Variants in PID1 observed in about 807,000 individuals in gnomAD.
PID1 encodes the protein PTB-containing, cubilin and LRP1-interacting protein.
In PID1, 10 loss-of-function variants were observed where a neutral mutation model predicts 19.1. The observed-to-expected ratio is 0.52, with a 90% CI of 0.32 to 0.89. PID1 has a LOEUF of 0.89. PID1 is among the 40% of genes least tolerant of loss of function. The pLI is 0.03. For missense variants in PID1, 248 were observed against 285.3 expected (o/e 0.87, Z 0.94); for synonymous variants, 130 against 116.0 (o/e 1.12, Z -0.78).
At chr2:229,192,240 ATC>A (rs1691276319) in intron 1 of PID1, among the ~76,000 whole-genome samples, 1 of 152,116 alleles carries the variant, frequency 6.6e-6, no homozygotes, top group Non-Finnish European at 1.5e-5. Context: ...CTCTGCCAAG[ATC>A]TGTTTCTTTA....
chr2:229,252,832 T>G (rs1574760253), intron 1 of PID1, among the ~76,000 whole-genome samples: 1 of 152,198 alleles, frequency 6.6e-6, no homozygotes, highest in Non-Finnish European at 1.5e-5. Flanking sequence ...ATTTGCACTT[T>G]TGCAAAGCCA....
intron 2 of PID1, among the ~76,000 whole-genome samples, chr2:229,082,085 C>A (rs1186133934): frequency 6.6e-6 from 1 of 152,140 alleles, no homozygotes; most frequent in Non-Finnish European, 1.5e-5. Flanking sequence ...ATTTTCAAGC[C>A]CAGAGCTGCC....
chr2:229,270,920 C>T, intron 1 of PID1, 94 bp downstream of exon 1: 2 of 1,190,956 alleles, frequency 1.7e-6, no homozygotes. Flanking sequence ...TGGTTTTGGG[C>T]AAATCCCCTA....
intron 1 of PID1, among the ~76,000 whole-genome samples, chr2:229,252,227 G>C (rs1220526161): frequency 6.6e-6 from 1 of 152,188 alleles, no homozygotes; most frequent in African/African-American, 2.4e-5. Context: ...ATTAATTATA[G>C]GGAAAGGAGG....
intron 2 of PID1, among the ~76,000 whole-genome samples, chr2:229,080,028 G>A (rs1694639018): frequency 6.6e-6 from 1 of 152,098 alleles, no homozygotes. Flanking sequence ...AGCAACAGGG[G>A]AGGGGACAGG....
chr2:229,119,879 T>C (rs552273105), intron 2 of PID1, among the ~76,000 whole-genome samples: 1 of 152,240 alleles, frequency 6.6e-6, no homozygotes, highest in Admixed American at 6.5e-5. Context: ...CAGAGGAAGG[T>C]TGGATTCCCA....
At chr2:229,189,192 C>T (rs890420866) in intron 1 of PID1, among the ~76,000 whole-genome samples, 1 of 152,182 alleles carries the variant, frequency 6.6e-6, no homozygotes, top group South Asian at 2.1e-4. Flanking sequence ...CAGGTAGAGG[C>T]TGAAATCCAC....
intron 1 of PID1, among the ~76,000 whole-genome samples, chr2:229,245,226 T>C (rs555731352): frequency 1.8e-4 from 28 of 152,228 alleles, no homozygotes; most frequent in African/African-American, 6.3e-4. Flanking sequence ...TTGGAGCACA[T>C]GACTTCATAA....
chr2:229,227,277 A>G (rs1692098795), intron 1 of PID1, among the ~76,000 whole-genome samples: 1 of 152,206 alleles, frequency 6.6e-6, no homozygotes, highest in Admixed American at 6.5e-5. Flanking sequence ...TAAAATCTGC[A>G]CTTCAGTCAC....
intron 1 of PID1, chr2:229,236,747 G>A (rs1254552772): frequency 2.0e-5 from 3 of 152,304 alleles, no homozygotes; most frequent in East Asian, 3.9e-4. Flanking sequence ...CCAGGAGGGT[G>A]ATGTGGAAGA....
Sources: gnomAD v4.1 joint callset for allele counts (sites outside exome capture counted in the v4.1 genomes callset) on GRCh38, gnomAD v4.1.1 for gene constraint, MANE v1.5 for transcripts, NCBI Gene and HGNC (gene_info 2026-07-23, HGNC 2026-07-21) for gene names.